COL22A1: variants seen among roughly 807,000 people sequenced by gnomAD.
The protein encoded by COL22A1 is collagen alpha-1(XXII) chain.
Under a neutral mutation model 248.9 loss-of-function variants are expected in COL22A1, and 221 were observed. That is an observed-to-expected ratio of 0.89 (90% CI 0.80 to 0.99). The LOEUF (loss-of-function observed/expected upper bound fraction) is 0.99, where lower values mean the gene tolerates loss of function less well. Among genes scored for constraint, COL22A1 ranks in the 50% least tolerant of loss-of-function variants. COL22A1 has a pLI of 0.00. For missense variants in COL22A1, 2,240 were observed against 2,179.0 expected (o/e 1.03, Z -0.56); for synonymous variants, 891 against 793.4 (o/e 1.12, Z -2.07).
At chr8:138,600,405 G>A (rs953998974) in intron 60 of COL22A1, among the ~76,000 whole-genome samples, 4 of 146,972 alleles carry the variant, frequency 2.7e-5, no homozygotes, top group Admixed American at 6.7e-5. Context: ...TCACCAAACC[G>A]TCTCTAACAT....
At chr8:138,796,903 T>C (rs766569268) in intron 11 of COL22A1, 46 bp from the exon 12 acceptor site, 3 of 1,267,342 alleles carry the variant, frequency 2.4e-6, no homozygotes, top group Non-Finnish European at 3.5e-6. Context: ...AGCATCTCCA[T>C]GGCATGACAT....
intron 33 of COL22A1, 122 bp from the exon 34 acceptor site, chr8:138,694,683 C>T: frequency 7.3e-7 from 1 of 1,368,808 alleles, no homozygotes; most frequent in Admixed American, 1.8e-5. Context: ...TAGCTAGCGT[C>T]CTGAGGAGAA....
intron 1 of COL22A1, among the ~76,000 whole-genome samples, chr8:138,886,143 C>A (rs1213786544): frequency 6.6e-6 from 1 of 152,180 alleles, no homozygotes; most frequent in Non-Finnish European, 1.5e-5. Flanking sequence ...TTTGTCACAT[C>A]CCTGATGAAT....
chr8:138,717,537 C>T (rs1332002938), intron 27 of COL22A1, among the ~76,000 whole-genome samples: 1 of 152,120 alleles, frequency 6.6e-6, no homozygotes, highest in African/African-American at 2.4e-5. Flanking sequence ...AGTCATAGCT[C>T]ATTGCAGCCT....
intron 7 of COL22A1, among the ~76,000 whole-genome samples, chr8:138,813,861 C>T (rs1445778663): frequency 6.6e-6 from 1 of 152,228 alleles, no homozygotes; most frequent in African/African-American, 2.4e-5. Flanking sequence ...TTGCAAAGGC[C>T]TCCAAGTTCC....
At chr8:138,810,455 G>A (rs191825070) in intron 9 of COL22A1, among the ~76,000 whole-genome samples, 62 of 152,290 alleles carry the variant, frequency 4.1e-4, no homozygotes, top group East Asian at 3.7e-3. Flanking sequence ...TTAGCCTGCC[G>A]GGGGTGGGTG....
At chr8:138,823,945 C>T (rs1027032190) in intron 6 of COL22A1, among the ~76,000 whole-genome samples, 4 of 152,134 alleles carry the variant, frequency 2.6e-5, no homozygotes, top group Non-Finnish European at 2.9e-5. Context: ...AAGGTGCTCA[C>T]GTAGTGCAGG....
In COL22A1 at chr8:138,880,884, T is replaced by C. The variant is rs116384181; in HGVS notation, c.91+2198A>G. 7.3e-3 allele frequency among the ~76,000 whole-genome samples: 1,117 copies of C among 152,124 alleles called. 21 individuals are homozygous for C. Among genetic ancestry groups the C allele is most frequent in the African/African-American group, 0.026 (1,060 of 41,482 alleles). ...CAAATTTGTTTGAAGGCTACAGAAGTTTCATTTGTTCAGGAGGCCTCCCCA... is the reference window on the plus strand; with the variant it reads ...CAAATTTGTTTGAAGGCTACAGAAGCTTCATTTGTTCAGGAGGCCTCCCCA... On this transcript the variant is annotated intron_variant, in intron 2 of 64. Transcript: ENST00000303045.
At chr8:138,657,657 G>A (rs1359654833) in intron 44 of COL22A1, among the ~76,000 whole-genome samples, 2 of 152,232 alleles carry the variant, frequency 1.3e-5, no homozygotes, top group Non-Finnish European at 2.9e-5. Flanking sequence ...GGATATGGCA[G>A]ACTGCCGTCT....
Position 138,663,756 on chromosome 8 carries a change from C to G in COL22A1, c.3151-16G>C. 6.2e-7 allele frequency: 1 copy of G among 1,603,518 alleles called. No homozygotes were observed. Among genetic ancestry groups the G allele is most frequent in the South Asian group, 1.1e-5 (1 of 90,852 alleles). Reference sequence around the variant, plus strand: ...CGGAAGGGCCCTAGAAACAAACAAACAAGTATGTAAGCAAAGTAGAAATGG... The same window carrying G: ...CGGAAGGGCCCTAGAAACAAACAAAGAAGTATGTAAGCAAAGTAGAAATGG... On this transcript the variant is annotated splice_polypyrimidine_tract_variant and intron_variant, in intron 41 of 64. Coordinates refer to ENST00000303045, the MANE Select transcript of COL22A1 (RefSeq NM_152888.3).
At chr8:138,632,934 A>G (rs2132011539) in intron 49 of COL22A1, among the ~76,000 whole-genome samples, 1 of 152,316 alleles carries the variant, frequency 6.6e-6, no homozygotes, top group Non-Finnish European at 1.5e-5. Flanking sequence ...AAGTTGAAAA[A>G]AAATTCCCTA....
At chr8:138,791,474 G>A (rs974342200) in intron 12 of COL22A1, among the ~76,000 whole-genome samples, 5 of 152,200 alleles carry the variant, frequency 3.3e-5, no homozygotes, top group African/African-American at 9.6e-5. Context: ...ACTTAAGAGC[G>A]CTTGCATTTT....
chr8:138,873,983 G>A lies in COL22A1; in HGVS notation c.658+3767C>T, dbSNP rs530462389. Among the ~76,000 whole-genome samples the A allele has an allele frequency of 6.6e-5, 10 of 152,362 alleles. No individual in the cohort carries two copies. The South Asian group carries it at 2.1e-3, about 32-fold the overall frequency. ...ATTGAGACTAGTTCCTCCTCAGGCT[G>A]TGAAGTCCCCCACAGGCATCCTCTG... On this transcript the variant is annotated intron_variant, in intron 3 of 64. Transcript: ENST00000303045.
intron 49 of COL22A1, among the ~76,000 whole-genome samples, chr8:138,634,422 C>T (rs932067508): frequency 6.6e-6 from 1 of 151,996 alleles, no homozygotes; most frequent in Middle Eastern, 3.2e-3. Context: ...TGCCTGTTGC[C>T]ATGGCTACCC....
At position 138,666,425 on chromosome 8, in the gene COL22A1, T is replaced by G. The variant is rs78194818; in HGVS notation, c.3151-2685A>C. Among the ~76,000 whole-genome samples, 1,433 of 152,306 alleles carry G rather than the reference T, an allele frequency of 9.4e-3. 13 individuals are homozygous for G. The highest frequency in any genetic ancestry group is 0.027 in the African/African-American group (1,140 of 41,560). On this transcript the variant is annotated intron_variant, in intron 41 of 64. Coordinates refer to ENST00000303045, the MANE Select transcript of COL22A1 (RefSeq NM_152888.3). ...GCCTACAAATTGGTATTATCAACATTTCATTGCTATAGATGGAGAAACTAA... is the reference window on the plus strand; with the variant it reads ...GCCTACAAATTGGTATTATCAACATGTCATTGCTATAGATGGAGAAACTAA...
chr8:138,648,915 T>C (rs1822444408), intron 46 of COL22A1, among the ~76,000 whole-genome samples: 1 of 152,232 alleles, frequency 6.6e-6, no homozygotes. Context: ...CTTTATCTGC[T>C]TAGCTATATA....
At chr8:138,696,689 C>T (rs780353930) in intron 32 of COL22A1, among the ~76,000 whole-genome samples, 1 of 152,202 alleles carries the variant, frequency 6.6e-6, no homozygotes, top group Non-Finnish European at 1.5e-5. Context: ...TGGTCTACCT[C>T]GTACAGCTGT....
At chr8:138,707,703 G>A (rs1473054835) in intron 30 of COL22A1, among the ~76,000 whole-genome samples, 1 of 152,168 alleles carries the variant, frequency 6.6e-6, no homozygotes, top group Admixed American at 6.5e-5. Context: ...AAAACTGGAA[G>A]CACTCCCTTT....
chr8:138,762,183 A>G (rs147965317), intron 17 of COL22A1, among the ~76,000 whole-genome samples: 47 of 152,224 alleles, frequency 3.1e-4, no homozygotes, highest in African/African-American at 1.1e-3. Context: ...ATAACGCACC[A>G]CCTTACCTGA....
Sources: gnomAD v4.1 joint callset for allele counts (sites outside exome capture counted in the v4.1 genomes callset) on GRCh38, gnomAD v4.1.1 for gene constraint, MANE v1.5 for transcripts, NCBI Gene and HGNC (gene_info 2026-07-23, HGNC 2026-07-21) for gene names.